Variants in MBTPS1 observed in about 807,000 individuals in gnomAD.
MBTPS1 encodes membrane-bound transcription factor site-1 protease.
MBTPS1 carries 94 observed loss-of-function variants against 127.8 expected under a neutral mutation model. The observed-to-expected ratio is 0.74, with a 90% CI of 0.62 to 0.87. The LOEUF is 0.87. Ranked by LOEUF, MBTPS1 falls within the 40% of genes least tolerant of loss-of-function variation. The pLI is 0.00. For synonymous variants in MBTPS1, 632 were observed against 509.4 expected (o/e 1.24, Z -3.24); for missense variants, 1,636 against 1,353.2 (o/e 1.21, Z -3.28).
intron 7 of MBTPS1, 144 bp from the exon 8 acceptor site, chr16:84,091,086 A>G: frequency 1.5e-6 from 1 of 684,694 alleles, no homozygotes; most frequent in Non-Finnish European, 2.5e-6. Context: ...TGTGCTGGCA[A>G]CTTGCATTTT....
At chr16:84,062,596 C>A (rs936516207) in intron 19 of MBTPS1, among the ~76,000 whole-genome samples, 1 of 152,162 alleles carries the variant, frequency 6.6e-6, no homozygotes, top group Non-Finnish European at 1.5e-5. Context: ...GTGGTCACAG[C>A]GCATTAGAAG....
chr16:84,112,902 G>A (rs1421886408), intron 1 of MBTPS1, among the ~76,000 whole-genome samples: 2 of 147,830 alleles, frequency 1.4e-5, no homozygotes, highest in African/African-American at 5.0e-5. Context: ...TTGAACCTGG[G>A]AGACAGAGGT....
intron 12 of MBTPS1, among the ~76,000 whole-genome samples, chr16:84,072,939 C>T (rs2085794065): frequency 6.6e-6 from 1 of 152,174 alleles, no homozygotes; most frequent in Admixed American, 6.5e-5. Context: ...CCCTCTGATT[C>T]AGGGAGCAAA....
rs1316349153 is a variant in MBTPS1, at chr16:84,070,583, C to T, written c.1782+5G>A. On this transcript the variant is annotated splice_donor_5th_base_variant and intron_variant, in intron 13 of 22. Transcript: ENST00000343411. ...AAAACAAGCCACTTTCCCGCATATC[C>T]CTACCTCTGTCTCTGCTGGGGAAGC... is the stretch of plus-strand genomic sequence containing the variant. 1.9e-6 allele frequency: 3 copies of T among 1,611,126 alleles called. No homozygotes were observed. Among genetic ancestry groups the T allele is most frequent in the Non-Finnish European group, 1.7e-6 (2 of 1,179,526 alleles).
At position 84,070,050 on chromosome 16, in the gene MBTPS1, G is replaced by GA. The variant is rs767389926; in HGVS notation, c.1783-13dup. The GA allele has an allele frequency of 6.4e-7, 1 of 1,552,166 alleles. No homozygotes were observed. Among genetic ancestry groups the GA allele is most frequent in the Admixed American group, 2.3e-5 (1 of 43,772 alleles). On this transcript the variant is annotated splice_polypyrimidine_tract_variant and intron_variant, in intron 13 of 22. Coordinates refer to ENST00000343411, the MANE Select transcript of MBTPS1 (RefSeq NM_003791.4). The stretch of plus-strand genomic sequence containing the variant: ...GCACCATTTTTTGACTAAAAAAAAA[G>GA]AAAAGAAACTTGAAACGCCCTCATT...
chr16:84,083,762 T>C (rs1458646204), intron 10 of MBTPS1, among the ~76,000 whole-genome samples: 1 of 152,268 alleles, frequency 6.6e-6, no homozygotes, highest in Admixed American at 6.5e-5. Flanking sequence ...ACGCAGAGTT[T>C]TGTGTGTTAT....
intron 12 of MBTPS1, chr16:84,072,102 G>A (rs1351039538): frequency 1.3e-5 from 2 of 152,278 alleles, no homozygotes; most frequent in Admixed American, 1.3e-4. Flanking sequence ...GAAACGCCAT[G>A]TGGCCGACCC....
In MBTPS1 at chr16:84,081,774, A is replaced by G; in HGVS notation, c.1421T>C (p.Ile474Thr). The G allele has an allele frequency of 6.9e-7, 1 of 1,450,520 alleles. No individual in the cohort carries two copies. The highest frequency in any genetic ancestry group is 9.1e-7 in the Non-Finnish European group (1 of 1,094,226). The allele number at this position is 1,450,520 out of a possible 1,614,324, so 89.9% of individuals were successfully genotyped here. A position where few individuals can be genotyped will look rare whatever the true frequency, so the allele number is the denominator to read the frequency against. The change falls in exon 11 of 23, where the codon ATC becomes ACC. Residue 474 changes from isoleucine (I) to threonine (T), a missense_variant. Coordinates refer to ENST00000343411, the MANE Select transcript of MBTPS1 (RefSeq NM_003791.4). ...TGCCTGTGGCTTGTAGCTGTTGAGG[A>G]TCTGATAGGCTCTGAGCAGATCGAG... is the stretch of plus-strand genomic sequence containing the variant. ...GKLDLLRAYQ[I>T]LNSYKPQASL...
At position 84,059,581 on chromosome 16, in the gene MBTPS1, G is replaced by A. The variant is rs1315235218; in HGVS notation, c.2705-153C>T. 6.5e-6 allele frequency: 4 copies of A among 619,206 alleles called. No individual in the cohort carries two copies. In the Admixed American group the frequency reaches 1.2e-4, roughly 19 times the overall value. 38.4% of individuals were successfully genotyped at this position (619,206 alleles called of 1,614,324 possible). Reference sequence around the variant, plus strand: ...TTAAGCTATCCTCCATGAGCCGCAGGAGCCACGCCTGATTGGTTCCTCCCG... The same window carrying A: ...TTAAGCTATCCTCCATGAGCCGCAGAAGCCACGCCTGATTGGTTCCTCCCG... On this transcript the variant is annotated intron_variant, in intron 20 of 22. Transcript: ENST00000343411.
chr16:84,114,072 C>G (rs1413075171), intron 1 of MBTPS1, among the ~76,000 whole-genome samples: 1 of 150,710 alleles, frequency 6.6e-6, no homozygotes, highest in Non-Finnish European at 1.5e-5. Flanking sequence ...TCAAGCGATT[C>G]TCCTGCCTCA....
At chr16:84,080,620 A>G (rs73249052) in intron 11 of MBTPS1, among the ~76,000 whole-genome samples, 24,720 of 152,282 alleles carry the variant, frequency 0.16, 2,194 homozygotes, top group East Asian at 0.28. Context: ...GCTCCCAGCC[A>G]ATGACTAAGC....
intron 2 of MBTPS1, among the ~76,000 whole-genome samples, chr16:84,099,832 C>T (rs1029849725): frequency 2.0e-5 from 3 of 150,826 alleles, no homozygotes; most frequent in Non-Finnish European, 2.9e-5. Context: ...ATACATCATT[C>T]GAAACCAGAT....
intron 12 of MBTPS1, 131 bp from the exon 13 acceptor site, chr16:84,070,907 T>C: frequency 2.9e-6 from 2 of 685,026 alleles, no homozygotes; most frequent in Non-Finnish European, 4.8e-6. Context: ...AAAAATAAAA[T>C]TTATACACAG....
At chr16:84,085,685 G>A (rs1049782068) in intron 9 of MBTPS1, among the ~76,000 whole-genome samples, 2 of 151,498 alleles carry the variant, frequency 1.3e-5, no homozygotes, top group South Asian at 4.2e-4. Flanking sequence ...ATAACAACCA[G>A]AACAATGGCA....
chr16:84,072,562 C>T (rs761816065), intron 12 of MBTPS1, among the ~76,000 whole-genome samples: 1 of 152,070 alleles, frequency 6.6e-6, no homozygotes, highest in African/African-American at 2.4e-5. Flanking sequence ...GAGGGCAAGG[C>T]GGGAGGGTCA....
chr16:84,102,043 G>A lies in MBTPS1; in HGVS notation c.-260C>T. On this transcript the variant is annotated 5_prime_UTR_variant, in exon 2 of 23. Coordinates refer to ENST00000343411, the MANE Select transcript of MBTPS1 (RefSeq NM_003791.4). ...ACTCAGGCCGTGACGACTGAGTCCT[G>A]TACTCCATTTGTACCACAGAACCAA... The A allele has an allele frequency of 4.9e-6, 2 of 406,274 alleles. No individual in the cohort carries two copies. The highest frequency in any genetic ancestry group is 4.4e-5 in the East Asian group (1 of 22,820). The allele number at this position is 406,274 out of a possible 1,614,324, so 25.2% of individuals were successfully genotyped here.
Position 84,084,835 on chromosome 16 carries a change from TGAA to T in MBTPS1, c.1286+145_1286+147del, listed in dbSNP as rs572444646. 3.9e-3 allele frequency: 2,771 copies of T among 705,632 alleles called. 11 individuals carry two copies. The highest frequency in any genetic ancestry group is 5.6e-3 in the Non-Finnish European group (2,397 of 429,226). 43.7% of individuals were successfully genotyped at this position (705,632 alleles called of 1,614,324 possible). On this transcript the variant is annotated intron_variant, in intron 10 of 22. Coordinates refer to ENST00000343411, the MANE Select transcript of MBTPS1 (RefSeq NM_003791.4). ...AGTGACTCCTACCTCTTTGCAGAGA[TGAA>T]GAAGGAGAGACAGAGCAAGGCTGTG...
intron 10 of MBTPS1, among the ~76,000 whole-genome samples, chr16:84,082,849 G>A (rs1210849275): frequency 6.6e-6 from 1 of 152,172 alleles, no homozygotes; most frequent in Non-Finnish European, 1.5e-5. Context: ...GAACTCAAGG[G>A]TTGCGTTCCA....
Position 84,063,310 on chromosome 16 carries a change from T to C in MBTPS1, c.2567A>G (p.Gln856Arg), listed in dbSNP as rs1567473478. 6.2e-7 allele frequency: 1 copy of C among 1,608,588 alleles called. No individual in the cohort carries two copies. The highest frequency in any genetic ancestry group is 1.7e-5 in the Admixed American group (1 of 59,792). Reference protein sequence around the residue: ...DSNCLDDSHRQKDCFWLLDAL... With the variant: ...DSNCLDDSHRRKDCFWLLDAL... The stretch of plus-strand genomic sequence containing the variant: ...TCCATCTGCGTTTTTCCTACCCTTC[T>C]GTCGGTGACTGTCATCCAAGCAATT... The change falls in exon 19 of 23, where the codon CAG becomes CGG. Residue 856 changes from glutamine (Q) to arginine (R), a missense_variant. Gln to Arg is a conservative substitution (Grantham distance 43). Coordinates refer to ENST00000343411, the MANE Select transcript of MBTPS1 (RefSeq NM_003791.4).
Sources: gnomAD v4.1 joint callset for allele counts (sites outside exome capture counted in the v4.1 genomes callset) on GRCh38, gnomAD v4.1.1 for gene constraint, MANE v1.5 for transcripts, NCBI Gene and HGNC (gene_info 2026-07-23, HGNC 2026-07-21) for gene names.